FANCB: variants seen among roughly 807,000 people sequenced by gnomAD.
FANCB encodes Fanconi anemia group B protein.
A neutral mutation model predicts 38.9 loss-of-function variants in FANCB; 5 were observed. The observed-to-expected ratio is 0.13, with a 90% CI of 0.07 to 0.27. FANCB has a LOEUF of 0.27. Among genes scored for constraint, FANCB ranks in the 10% least tolerant of loss-of-function variants. FANCB has a pLI of 1.00. For missense variants in FANCB, 573 were observed against 602.7 expected, an observed-to-expected ratio of 0.95 and a Z score of 0.52; for synonymous variants, 236 against 215.4, an observed-to-expected ratio of 1.10 and a Z score of -0.84.
chrX:14,853,061 T>C lies in FANCB; in HGVS notation c.1304A>G (p.Asp435Gly). The C allele has an allele frequency of 8.3e-7, 1 of 1,203,437 alleles. No homozygotes were observed. The change falls in exon 6 of 10, where the codon GAT becomes GGT. Residue 435 changes from aspartate to glycine, a missense_variant. Transcript: ENST00000650831. ...ALINLVQGKD[D>G]NTSSAEEKEC... is the part of the protein sequence containing the mutation. ...TACCTCCTCTGCACTTGACGTATTATCATCTTTTCCTTGAACTAGGTTTAT... is the reference window on the plus strand; with the variant it reads ...TACCTCCTCTGCACTTGACGTATTACCATCTTTTCCTTGAACTAGGTTTAT...
At chrX:14,813,979 T>C in the FANCB span, among the ~76,000 whole-genome samples, 5 of 111,226 alleles carry the variant, frequency 4.5e-5, no homozygotes, top group Non-Finnish European at 9.4e-5. Flanking sequence ...AAAACAGAGA[T>C]ATAGACCAAT....
the FANCB span, among the ~76,000 whole-genome samples, chrX:14,805,655 C>T: frequency 1.1e-4 from 12 of 112,189 alleles, no homozygotes; most frequent in Non-Finnish European, 2.1e-4. Context: ...TCCTTCTGGA[C>T]TAAAAGTCTT....
the FANCB span, among the ~76,000 whole-genome samples, chrX:14,733,514 T>C: frequency 8.9e-6 from 1 of 111,918 alleles, no homozygotes; most frequent in African/African-American, 3.2e-5. Context: ...ATGGAATGTT[T>C]TTCCATTTGT....
chrX:14,720,287 C>A, the FANCB span, among the ~76,000 whole-genome samples: 62 of 111,442 alleles, frequency 5.6e-4, no homozygotes, highest in Non-Finnish European at 9.0e-4. Context: ...TGAAATACCA[C>A]CCTTACCTCA....
the FANCB span, among the ~76,000 whole-genome samples, chrX:14,796,658 A>C: frequency 0.055 from 2,015 of 36,842 alleles, 55 homozygotes; most frequent in African/African-American, 0.17. Flanking sequence ...CTAAGTGCAT[A>C]TATACACACA....
At chrX:14,858,693 G>GGA (rs2092433734) in intron 4 of FANCB, among the ~76,000 whole-genome samples, 1 of 110,906 alleles carries the variant, frequency 9.0e-6, no homozygotes, top group African/African-American at 3.3e-5. Context: ...TCCCATAACT[G>GGA]GAGAAAATTA....
chrX:14,701,099 T>A, the FANCB span, among the ~76,000 whole-genome samples: 3 of 110,753 alleles, frequency 2.7e-5, no homozygotes, highest in Non-Finnish European at 5.7e-5. Flanking sequence ...GGAAACACAT[T>A]CATTTTCAGA....
the FANCB span, among the ~76,000 whole-genome samples, chrX:14,707,481 T>G: frequency 9.0e-6 from 1 of 111,063 alleles, no homozygotes; most frequent in South Asian, 3.8e-4. Flanking sequence ...CATGAGAATA[T>G]TGCATGATAC....
chrX:14,795,265 G>T, the FANCB span, among the ~76,000 whole-genome samples: 1 of 106,723 alleles, frequency 9.4e-6, no homozygotes, highest in Non-Finnish European at 1.9e-5. Flanking sequence ...ACAAATTTTG[G>T]GGTAGACACT....
At chrX:14,857,981 C>T (rs1419741373) in intron 4 of FANCB, 27 bp from the exon 5 acceptor site, 16 of 911,075 alleles carry the variant, frequency 1.8e-5, no homozygotes, top group Non-Finnish European at 2.5e-5. Context: ...TAAATAAATA[C>T]ACTAAGACTG....
the FANCB span, among the ~76,000 whole-genome samples, chrX:14,813,296 G>A: frequency 2.9e-5 from 3 of 105,160 alleles, no homozygotes; most frequent in Non-Finnish European, 5.8e-5. Flanking sequence ...ATTCAACATA[G>A]TGTTGGAAGT....
chrX:14,832,406 C>T (rs1448484305), downstream of FANCB, among the ~76,000 whole-genome samples: 1 of 111,620 alleles, frequency 9.0e-6, no homozygotes, highest in Non-Finnish European at 1.9e-5. Flanking sequence ...GACCTCATCT[C>T]AACCACATCT....
chrX:14,746,346 T>C, the FANCB span, among the ~76,000 whole-genome samples: 2 of 111,878 alleles, frequency 1.8e-5, no homozygotes, highest in Admixed American at 1.9e-4. Flanking sequence ...TGGGATGCCA[T>C]TACAAGATTT....
the FANCB span, among the ~76,000 whole-genome samples, chrX:14,719,993 T>C: frequency 9.0e-6 from 1 of 111,053 alleles, no homozygotes; most frequent in African/African-American, 3.3e-5. Context: ...AAAAAGTAGA[T>C]CTCATAGAGG....
chrX:14,745,991 C>T, the FANCB span, among the ~76,000 whole-genome samples: 1 of 110,846 alleles, frequency 9.0e-6, no homozygotes, highest in Non-Finnish European at 1.9e-5. Context: ...TGAGCCACCG[C>T]ACCCGGCCGA....
the FANCB span, among the ~76,000 whole-genome samples, chrX:14,758,965 A>T: frequency 9.1e-6 from 1 of 109,501 alleles, no homozygotes; most frequent in African/African-American, 3.3e-5. Flanking sequence ...CATCTTAAAT[A>T]AAAAAAAAAT....
chrX:14,709,413 C>A, the FANCB span, among the ~76,000 whole-genome samples: 47 of 112,082 alleles, frequency 4.2e-4, no homozygotes, highest in Non-Finnish European at 7.1e-4. Context: ...AATCAATCTT[C>A]CCTCTGGGCC....
chrX:14,832,894 ATGTCTT>A (rs1250409497), downstream of FANCB, among the ~76,000 whole-genome samples: 3 of 111,845 alleles, frequency 2.7e-5, no homozygotes, highest in Non-Finnish European at 5.6e-5. Context: ...CAACCATTAT[ATGTCTT>A]TCATGTGTAA....
chrX:14,821,640 A>G, the FANCB span, among the ~76,000 whole-genome samples: 1 of 111,657 alleles, frequency 9.0e-6, no homozygotes. Flanking sequence ...GTTCTCTTTT[A>G]GTCTGCTACA....
Sources: gnomAD v4.1 joint callset for allele counts (sites outside exome capture counted in the v4.1 genomes callset) on GRCh38, gnomAD v4.1.1 for gene constraint, MANE v1.5 for transcripts, NCBI Gene and HGNC (gene_info 2026-07-23, HGNC 2026-07-21) for gene names.